The following RBFOX1 variants were observed in gnomAD, a reference collection of about 807,000 sequenced individuals.
RBFOX1 encodes the protein RNA binding protein fox-1 homolog 1.
In RBFOX1, 8 loss-of-function variants were observed where a neutral mutation model predicts 57.7. The ratio of observed to expected loss-of-function variants is 0.14; its 90% CI spans 0.08 to 0.25. RBFOX1 has a LOEUF of 0.25. Among genes scored for constraint, RBFOX1 ranks in the 10% least tolerant of loss-of-function variants. RBFOX1 has a pLI of 1.00. For missense variants in RBFOX1, 611 were observed against 548.5 expected (o/e 1.11, Z -1.14); for synonymous variants, 326 against 222.4 (o/e 1.47, Z -4.15).
intron 2 of RBFOX1, among the ~76,000 whole-genome samples, chr16:6,514,288 C>G (rs950674380): frequency 2.0e-5 from 3 of 152,158 alleles, no homozygotes; most frequent in African/African-American, 4.8e-5. Flanking sequence ...CTTCATCTTA[C>G]CATATTCATC....
At chr16:7,397,513 T>G (rs2098162004) in intron 4 of RBFOX1, among the ~76,000 whole-genome samples, 1 of 152,126 alleles carries the variant, frequency 6.6e-6, no homozygotes, top group Non-Finnish European at 1.5e-5. Flanking sequence ...AACCCACTGG[T>G]GACAGAGGGT....
intron 3 of RBFOX1, among the ~76,000 whole-genome samples, chr16:6,725,429 A>G (rs2066973498): frequency 6.6e-6 from 1 of 152,062 alleles, no homozygotes; most frequent in Non-Finnish European, 1.5e-5. Flanking sequence ...CATCTGTCAC[A>G]TCCTGTGACT....
intron 2 of RBFOX1, among the ~76,000 whole-genome samples, chr16:5,534,816 A>T (rs1050914047): frequency 3.3e-5 from 5 of 152,242 alleles, no homozygotes; most frequent in African/African-American, 1.2e-4. Flanking sequence ...CAGGCAATCC[A>T]ATCAAGTTGA....
chr16:6,787,178 T>G (rs529951858), intron 3 of RBFOX1, among the ~76,000 whole-genome samples: 23 of 152,082 alleles, frequency 1.5e-4, no homozygotes, highest in Admixed American at 4.6e-4. Flanking sequence ...ATGTGTGGAG[T>G]GAAGGTCGTA....
chr16:6,250,987 G>C (rs931432080), intron 1 of RBFOX1, among the ~76,000 whole-genome samples: 19 of 152,058 alleles, frequency 1.2e-4, no homozygotes, highest in African/African-American at 4.6e-4. Flanking sequence ...TGGCGTTTGA[G>C]ATGGGGTGGG....
intron 2 of RBFOX1, among the ~76,000 whole-genome samples, chr16:6,636,564 TTC>T (rs1452333730): frequency 1.3e-5 from 2 of 151,780 alleles, no homozygotes; most frequent in Non-Finnish European, 2.9e-5. Flanking sequence ...ATCAGAAGAT[TTC>T]TCTTTTATTT....
chr16:5,766,509 C>T (rs1361724979), intron 3 of RBFOX1, among the ~76,000 whole-genome samples: 2 of 152,044 alleles, frequency 1.3e-5, no homozygotes, highest in Non-Finnish European at 2.9e-5. Context: ...TGCTTGAATC[C>T]GGGAGGCAGA....
intron 5 of RBFOX1, among the ~76,000 whole-genome samples, chr16:7,520,499 C>G (rs367807366): frequency 7.9e-5 from 12 of 152,314 alleles, no homozygotes; most frequent in East Asian, 7.7e-4. Context: ...GCTTCTTTCT[C>G]TTAACACGAT....
chr16:5,823,272 T>C (rs2055919388), intron 3 of RBFOX1, among the ~76,000 whole-genome samples: 1 of 152,108 alleles, frequency 6.6e-6, no homozygotes, highest in African/African-American at 2.4e-5. Flanking sequence ...GATAACTATT[T>C]TGGAAGTGAG....
chr16:6,855,191 C>G (rs1008893816), intron 3 of RBFOX1, among the ~76,000 whole-genome samples: 8 of 151,884 alleles, frequency 5.3e-5, no homozygotes, highest in African/African-American at 1.7e-4. Flanking sequence ...ATCCCCAGTA[C>G]CCAATATAGT....
At chr16:5,290,614 G>T (rs1302878730) in intron 1 of RBFOX1, among the ~76,000 whole-genome samples, 1 of 152,078 alleles carries the variant, frequency 6.6e-6, no homozygotes, top group Admixed American at 6.5e-5. Flanking sequence ...AGAGGCCTAG[G>T]GGGTGGGATG....
At chr16:7,615,194 G>C (rs189339366) in intron 10 of RBFOX1, among the ~76,000 whole-genome samples, 2 of 152,166 alleles carry the variant, frequency 1.3e-5, no homozygotes, top group African/African-American at 4.8e-5. Flanking sequence ...GTATCTGGGC[G>C]TGGTGGCGGG....
intron 2 of RBFOX1, among the ~76,000 whole-genome samples, chr16:6,619,149 CA>C (rs1601705628): frequency 6.7e-6 from 1 of 149,790 alleles, no homozygotes; most frequent in East Asian, 2.0e-4. Flanking sequence ...AGACCGCTGA[CA>C]TGTTCCAGCC....
At chr16:6,904,475 C>T (rs548433822) in intron 3 of RBFOX1, among the ~76,000 whole-genome samples, 2 of 151,820 alleles carry the variant, frequency 1.3e-5, no homozygotes, top group South Asian at 4.2e-4. Flanking sequence ...GTGGTGGGTG[C>T]CTGTAATCCC....
At chr16:5,862,320 G>A (rs540135415) in intron 3 of RBFOX1, among the ~76,000 whole-genome samples, 4 of 152,184 alleles carry the variant, frequency 2.6e-5, no homozygotes, top group Non-Finnish European at 5.9e-5. Context: ...GTCCGGCACC[G>A]TGGTGTGTCA....
chr16:7,454,997 G>C (rs1353891636), intron 4 of RBFOX1, among the ~76,000 whole-genome samples: 2 of 152,142 alleles, frequency 1.3e-5, no homozygotes, highest in Admixed American at 6.5e-5. Flanking sequence ...TTATGATTTT[G>C]CTCATGGGTT....
At chr16:5,662,825 T>A (rs1212709498) in intron 3 of RBFOX1, among the ~76,000 whole-genome samples, 38 of 152,220 alleles carry the variant, frequency 2.5e-4, no homozygotes, top group Admixed American at 2.5e-3. Context: ...GTGGCCCCTT[T>A]GCTTCAGTTT....
chr16:6,614,733 C>G (rs143310203), intron 2 of RBFOX1, among the ~76,000 whole-genome samples: 42 of 152,244 alleles, frequency 2.8e-4, no homozygotes, highest in African/African-American at 7.7e-4. Context: ...CTGGCTTTAT[C>G]TTCGTGTGGC....
At chr16:6,565,679 A>G (rs2097254963) in intron 2 of RBFOX1, among the ~76,000 whole-genome samples, 2 of 152,060 alleles carry the variant, frequency 1.3e-5, no homozygotes, top group Admixed American at 1.3e-4. Context: ...CATGTTAGCC[A>G]GGATGGTCTC....
Sources: allele counts gnomAD v4.1 joint callset (sites outside exome capture counted in the v4.1 genomes callset), GRCh38; gene constraint gnomAD v4.1.1; transcripts MANE v1.5; gene names NCBI Gene and HGNC (gene_info 2026-07-23, HGNC 2026-07-21).